KCNB2: variants seen among roughly 807,000 people sequenced by gnomAD.
KCNB2 encodes the protein delayed rectifier potassium channel protein.
KCNB2 carries 15 observed loss-of-function variants against 61.5 expected under a neutral mutation model. The ratio of observed to expected loss-of-function variants is 0.24; its 90% confidence interval spans 0.16 to 0.38. KCNB2 has a LOEUF of 0.38. Among genes scored for constraint, KCNB2 ranks in the 10% least tolerant of loss-of-function variants. The probability of loss-of-function intolerance (pLI) is 1.00; values close to 1 mark genes in which losing one functional copy is unlikely to be tolerated. For synonymous variants in KCNB2, 457 were observed against 446.0 expected (o/e 1.02, Z -0.31); for missense variants, 828 against 1,125.2 (o/e 0.74, Z 3.78).
chr8:72,636,160 T>C (rs1805963026), intron 2 of KCNB2, among the ~76,000 whole-genome samples: 1 of 152,128 alleles, frequency 6.6e-6, no homozygotes, highest in Non-Finnish European at 1.5e-5. Flanking sequence ...TTTCATAGAT[T>C]TAGGTCTATC....
At chr8:72,844,264 C>G (rs1394960002) in intron 2 of KCNB2, among the ~76,000 whole-genome samples, 1 of 152,144 alleles carries the variant, frequency 6.6e-6, no homozygotes, top group South Asian at 2.1e-4. Context: ...TGAATATTGG[C>G]CCCCACTCTC....
intron 2 of KCNB2, among the ~76,000 whole-genome samples, chr8:72,652,287 G>A (rs62518102): frequency 0.015 from 2,270 of 152,164 alleles, 44 homozygotes; most frequent in African/African-American, 0.052. Context: ...TGCTCATGCC[G>A]TAAATTGCAC....
At chr8:72,743,657 C>T (rs2128994814) in intron 2 of KCNB2, among the ~76,000 whole-genome samples, 1 of 152,228 alleles carries the variant, frequency 6.6e-6, no homozygotes, top group South Asian at 2.1e-4. Context: ...TACTTGCTTT[C>T]TGTATTTTTT....
intron 2 of KCNB2, among the ~76,000 whole-genome samples, chr8:72,903,943 C>T (rs17775981): frequency 0.024 from 3,611 of 152,092 alleles, 95 homozygotes; most frequent in Non-Finnish European, 0.039. Flanking sequence ...GAGATAAAAC[C>T]GTGCAGAAAT....
At position 72,694,784 on chromosome 8, in the gene KCNB2, A is replaced by G. The variant is rs190960471; in HGVS notation, c.579+126471A>G. 2.5e-3 allele frequency among the ~76,000 whole-genome samples: 380 copies of G among 151,958 alleles called. 3 individuals carry two copies. Among genetic ancestry groups the G allele is most frequent in the African/African-American group, 8.3e-3 (346 of 41,540 alleles). On this transcript the variant is annotated intron_variant, in intron 2 of 2. Transcript: ENST00000523207. ...GCATCTGTATGGCCATCTTTTTCTCATTAAGAAGGTAAAAGTACACTTTTA... is the reference window on the plus strand; with the variant it reads ...GCATCTGTATGGCCATCTTTTTCTCGTTAAGAAGGTAAAAGTACACTTTTA...
At chr8:72,715,146 C>T (rs1368407703) in intron 2 of KCNB2, among the ~76,000 whole-genome samples, 4 of 152,286 alleles carry the variant, frequency 2.6e-5, no homozygotes, top group African/African-American at 4.8e-5. Context: ...TACAGGAGCA[C>T]GCAGATTCGT....
chr8:72,843,872 G>A (rs1341146742), intron 2 of KCNB2, among the ~76,000 whole-genome samples: 1 of 152,066 alleles, frequency 6.6e-6, no homozygotes, highest in Non-Finnish European at 1.5e-5. Flanking sequence ...CACACCAATG[G>A]GTCTTGACTC....
At chr8:72,628,847 A>C (rs1271795425) in intron 2 of KCNB2, among the ~76,000 whole-genome samples, 2 of 152,232 alleles carry the variant, frequency 1.3e-5, no homozygotes, top group East Asian at 1.9e-4. Context: ...TGACCATGCC[A>C]GCTCTCTCTT....
In KCNB2 at chr8:72,757,530, G is replaced by A. The variant is rs186578272; in HGVS notation, c.580-178405G>A. ...ACCAATAAAGAGATTGAAACTCCAA[G>A]AGAGAGATGGGTAATTGATACCTCA... On this transcript the variant is annotated intron_variant, in intron 2 of 2. Transcript: ENST00000523207. Among the ~76,000 whole-genome samples the A allele has an allele frequency of 2.4e-4, 37 of 152,202 alleles. No individual in the cohort carries two copies. In the East Asian group the frequency reaches 7.0e-3, roughly 29 times the overall value.
At chr8:72,924,116 A>G (rs531387818) in intron 2 of KCNB2, among the ~76,000 whole-genome samples, 1 of 152,200 alleles carries the variant, frequency 6.6e-6, no homozygotes, top group Non-Finnish European at 1.5e-5. Flanking sequence ...TCAACTACCA[A>G]GTTGAATTGT....
At position 72,903,184 on chromosome 8, in the gene KCNB2, A is replaced by C. The variant is rs182138747; in HGVS notation, c.580-32751A>C. Among the ~76,000 whole-genome samples the C allele has an allele frequency of 2.5e-3, 386 of 152,284 alleles. 2 individuals are homozygous for C. The highest frequency in any genetic ancestry group is 0.014 in the Middle Eastern group (4 of 294). ...TGTCCCAGGAACAGATCCTGAAACA[A>C]AGATGTGAGGACAAGTGGTTTATTT... On this transcript the variant is annotated intron_variant, in intron 2 of 2. Coordinates refer to ENST00000523207, the MANE Select transcript of KCNB2 (RefSeq NM_004770.3).
At chr8:72,764,478 G>A (rs1215938532) in intron 2 of KCNB2, among the ~76,000 whole-genome samples, 1 of 152,148 alleles carries the variant, frequency 6.6e-6, no homozygotes, top group Admixed American at 6.5e-5. Context: ...CTATCAACTA[G>A]TGTGATGGTC....
chr8:72,900,706 A>G (rs1192763021), intron 2 of KCNB2, among the ~76,000 whole-genome samples: 3 of 152,224 alleles, frequency 2.0e-5, no homozygotes, highest in African/African-American at 7.2e-5. Flanking sequence ...GGCACTTCTC[A>G]AAAGAAGACA....
intron 2 of KCNB2, among the ~76,000 whole-genome samples, chr8:72,899,585 A>G (rs926409988): frequency 2.6e-5 from 4 of 152,220 alleles, no homozygotes; most frequent in Non-Finnish European, 5.9e-5. Flanking sequence ...CACCAAAAAC[A>G]TTCAAGCTGA....
intron 2 of KCNB2, among the ~76,000 whole-genome samples, chr8:72,718,414 CA>C (rs1807484722): frequency 6.6e-6 from 1 of 152,064 alleles, no homozygotes; most frequent in South Asian, 2.1e-4. Flanking sequence ...GGAACGAACC[CA>C]AATGTCCAAC....
chr8:72,729,139 GT>G (rs1451368692), intron 2 of KCNB2, among the ~76,000 whole-genome samples: 2 of 152,164 alleles, frequency 1.3e-5, no homozygotes, highest in African/African-American at 4.8e-5. Flanking sequence ...ACAATGAGGA[GT>G]TCCCACTGCA....
intron 2 of KCNB2, among the ~76,000 whole-genome samples, chr8:72,857,427 T>G (rs1810223499): frequency 6.6e-6 from 1 of 151,782 alleles, no homozygotes; most frequent in Non-Finnish European, 1.5e-5. Context: ...CTTCTAGGAG[T>G]GAGAAGAAGC....
At chr8:72,623,447 A>G (rs774608972) in intron 2 of KCNB2, among the ~76,000 whole-genome samples, 10 of 152,240 alleles carry the variant, frequency 6.6e-5, no homozygotes, top group Non-Finnish European at 1.0e-4. Flanking sequence ...AGTGTCACTT[A>G]TTGAAAAGCA....
chr8:72,862,829 C>T (rs917881407), intron 2 of KCNB2, among the ~76,000 whole-genome samples: 1 of 152,152 alleles, frequency 6.6e-6, no homozygotes, highest in African/African-American at 2.4e-5. Flanking sequence ...TTATTATGTG[C>T]TAGGAGTGGT....
Sources: gnomAD v4.1 joint callset for allele counts (sites outside exome capture counted in the v4.1 genomes callset) on GRCh38, gnomAD v4.1.1 for gene constraint, MANE v1.5 for transcripts, NCBI Gene and HGNC (gene_info 2026-07-23, HGNC 2026-07-21) for gene names.